The following ROBO2 variants were observed in gnomAD, a reference collection of about 807,000 sequenced individuals.
ROBO2 encodes the protein roundabout homolog 2.
Under a neutral mutation model 160.8 loss-of-function variants are expected in ROBO2, and 53 were observed. The ratio of observed to expected loss-of-function variants is 0.33; its 90% CI spans 0.26 to 0.41. The LOEUF is 0.41. Ranked by LOEUF, ROBO2 falls within the 10% of genes least tolerant of loss-of-function variation. The pLI is 1.00. For synonymous variants in ROBO2, 664 were observed against 611.7 expected, an observed-to-expected ratio of 1.09 and a Z score of -1.26; for missense variants, 1,577 against 1,722.4, an observed-to-expected ratio of 0.92 and a Z score of 1.49.
intron 20 of ROBO2, chr3:77,603,080 G>A (rs1203097367): frequency 8.8e-6 from 4 of 456,552 alleles, no homozygotes; most frequent in Admixed American, 2.3e-5. Context: ...ATCACAGTAA[G>A]GAGAAATATT....
chr3:77,577,713 A>G, intron 15 of ROBO2, 99 bp downstream of exon 16: 2 of 1,400,620 alleles, frequency 1.4e-6, no homozygotes, highest in Non-Finnish European at 1.0e-6. Context: ...TCTCTTATTC[A>G]GTTTAAGTGT....
intron 2 of ROBO2, among the ~76,000 whole-genome samples, chr3:76,679,244 A>C (rs2092492952): frequency 6.6e-6 from 1 of 152,164 alleles, no homozygotes; most frequent in African/African-American, 2.4e-5. Flanking sequence ...TGTTTTGGTC[A>C]ATTAACTTAA....
chr3:76,983,461 C>T (rs577354848), intron 2 of ROBO2, among the ~76,000 whole-genome samples: 39 of 152,074 alleles, frequency 2.6e-4, no homozygotes, highest in East Asian at 5.8e-4. Context: ...ATAAAGTGAA[C>T]GCCAAGGGTA....
intron 2 of ROBO2, among the ~76,000 whole-genome samples, chr3:76,585,381 A>G (rs2085969149): frequency 1.3e-5 from 2 of 152,220 alleles, no homozygotes; most frequent in African/African-American, 4.8e-5. Context: ...TTTCCCAGAC[A>G]ATTCATCACA....
At chr3:76,934,343 A>G (rs1403253040) in intron 2 of ROBO2, among the ~76,000 whole-genome samples, 7 of 152,296 alleles carry the variant, frequency 4.6e-5, no homozygotes, top group Middle Eastern at 6.8e-3. Flanking sequence ...TTGGAATATC[A>G]TAGTTTACAG....
chr3:76,247,357 T>G (rs1167854006), intron 2 of ROBO2, among the ~76,000 whole-genome samples: 1 of 152,180 alleles, frequency 6.6e-6, no homozygotes, highest in East Asian at 1.9e-4. Flanking sequence ...ATTCTTGATC[T>G]TCTAAAGTTC....
At chr3:77,448,984 T>C (rs1474806763) in intron 2 of ROBO2, among the ~76,000 whole-genome samples, 2 of 152,144 alleles carry the variant, frequency 1.3e-5, no homozygotes, top group Non-Finnish European at 2.9e-5. Flanking sequence ...TATTTATAGG[T>C]ATGTAAAAAT....
chr3:77,092,732 T>C (rs2070477435), intron 1 of ROBO2, among the ~76,000 whole-genome samples: 1 of 149,384 alleles, frequency 6.7e-6, no homozygotes, highest in Non-Finnish European at 1.5e-5. Flanking sequence ...ATGATATCAG[T>C]CACAAGCGAA....
chr3:77,052,687 A>G (rs1019143580), intron 1 of ROBO2, among the ~76,000 whole-genome samples: 6 of 152,194 alleles, frequency 3.9e-5, no homozygotes, highest in African/African-American at 1.4e-4. Flanking sequence ...AATATCCCAA[A>G]TGAACACTGA....
intron 2 of ROBO2, among the ~76,000 whole-genome samples, chr3:75,938,025 A>G (rs963801403): frequency 3.3e-5 from 5 of 151,476 alleles, no homozygotes; most frequent in African/African-American, 7.3e-5. Context: ...TATTTTCTTT[A>G]GGGTTTTTGT....
At chr3:75,931,063 G>A (rs1204300929) in intron 1 of ROBO2, among the ~76,000 whole-genome samples, 2 of 152,186 alleles carry the variant, frequency 1.3e-5, no homozygotes, top group Non-Finnish European at 2.9e-5. Flanking sequence ...GACCTGTACA[G>A]TTTCACATAT....
intron 2 of ROBO2, among the ~76,000 whole-genome samples, chr3:77,466,483 A>T (rs185406815): frequency 6.6e-6 from 1 of 152,280 alleles, no homozygotes; most frequent in African/African-American, 2.4e-5. Flanking sequence ...GATGTGATTC[A>T]TGTGAACCCC....
intron 2 of ROBO2, among the ~76,000 whole-genome samples, chr3:76,918,766 T>A (rs2076481667): frequency 6.6e-6 from 1 of 152,242 alleles, no homozygotes; most frequent in Admixed American, 6.5e-5. Context: ...ATGGCTGAAA[T>A]AATTTACGTT....
intron 2 of ROBO2, among the ~76,000 whole-genome samples, chr3:76,825,934 A>G (rs1290265426): frequency 6.6e-6 from 1 of 151,918 alleles, no homozygotes; most frequent in African/African-American, 2.4e-5. Flanking sequence ...CATATGTGGT[A>G]TCTGAGAAAA....
intron 2 of ROBO2, among the ~76,000 whole-genome samples, chr3:77,237,662 G>A (rs910671736): frequency 2.0e-5 from 3 of 152,196 alleles, no homozygotes; most frequent in Middle Eastern, 3.4e-3. Flanking sequence ...CAGTTACTTC[G>A]TAGTTTTGGC....
intron 2 of ROBO2, among the ~76,000 whole-genome samples, chr3:76,737,745 G>A (rs886273551): frequency 1.3e-5 from 2 of 152,166 alleles, no homozygotes; most frequent in East Asian, 1.9e-4. Flanking sequence ...TGAAGGGTTG[G>A]CAGTCAGGTA....
chr3:77,477,971 T>C (rs1198290883), intron 3 of ROBO2, among the ~76,000 whole-genome samples: 1 of 151,174 alleles, frequency 6.6e-6, no homozygotes, highest in East Asian at 2.0e-4. Flanking sequence ...GGACTACAGG[T>C]GTGCGCCACC....
At chr3:77,145,973 C>T (rs1243528764) in intron 2 of ROBO2, among the ~76,000 whole-genome samples, 1 of 152,110 alleles carries the variant, frequency 6.6e-6, no homozygotes, top group Non-Finnish European at 1.5e-5. Flanking sequence ...TTAGAAAGCA[C>T]AGTTACAGCC....
At chr3:76,185,954 G>A (rs572081099) in intron 2 of ROBO2, among the ~76,000 whole-genome samples, 27 of 79,910 alleles carry the variant, frequency 3.4e-4, no homozygotes, top group African/African-American at 8.8e-4. Context: ...TTTTTTTTGA[G>A]ACAGGGTCTC....
Sources: gnomAD v4.1 joint callset for allele counts (sites outside exome capture counted in the v4.1 genomes callset) on GRCh38, gnomAD v4.1.1 for gene constraint, MANE v1.5 for transcripts, NCBI Gene and HGNC (gene_info 2026-07-23, HGNC 2026-07-21) for gene names.